SOX6: variants seen among roughly 807,000 people sequenced by gnomAD.
SOX6 encodes transcription factor SOX-6.
SOX6 carries 11 observed loss-of-function variants against 97.8 expected under a neutral mutation model. The ratio of observed to expected loss-of-function variants is 0.11; its 90% CI spans 0.07 to 0.19. SOX6 has a LOEUF of 0.19. Ranked by LOEUF, SOX6 falls within the 10% of genes least tolerant of loss-of-function variation. The pLI, the probability that SOX6 is intolerant of heterozygous loss-of-function variation, is 1.00. For missense variants in SOX6, 810 were observed against 1,039.5 expected (o/e 0.78, Z 3.04); for synonymous variants, 360 against 371.4 (o/e 0.97, Z 0.35).
chr11:16,169,111 A>T (rs996310601), intron 6 of SOX6, among the ~76,000 whole-genome samples: 1 of 152,096 alleles, frequency 6.6e-6, no homozygotes, highest in African/African-American at 2.4e-5. Flanking sequence ...TATTGTAAAC[A>T]CTCTAAAATT....
intron 6 of SOX6, among the ~76,000 whole-genome samples, chr11:16,132,401 A>AGAAAAAAGAAAG (rs34012369): frequency 6.8e-5 from 3 of 43,840 alleles, no homozygotes; most frequent in Non-Finnish European, 8.3e-5. Flanking sequence ...AAAGAAAGAA[A>AGAAAAAAGAAAG]AAAGAAAGAA....
At chr11:16,068,585 T>C (rs1848148445) in intron 9 of SOX6, among the ~76,000 whole-genome samples, 1 of 152,172 alleles carries the variant, frequency 6.6e-6, no homozygotes, top group African/African-American at 2.4e-5. Context: ...ATATTTGAGA[T>C]GAGAGAACGG....
At chr11:16,257,997 AT>A (rs1216473992) in intron 3 of SOX6, among the ~76,000 whole-genome samples, 2 of 57,258 alleles carry the variant, frequency 3.5e-5, no homozygotes, top group Non-Finnish European at 8.3e-5. Context: ...AATTAAAAGA[AT>A]TTAAAAAAAT....
chr11:16,368,337 C>T (rs1481998874), intron 1 of SOX6, among the ~76,000 whole-genome samples: 1 of 152,094 alleles, frequency 6.6e-6, no homozygotes, highest in African/African-American at 2.4e-5. Flanking sequence ...CAAATGTTGG[C>T]TAGGCATGGT....
chr11:16,707,258 T>C (rs1403765343), intron 3 of SOX6, among the ~76,000 whole-genome samples: 2 of 152,194 alleles, frequency 1.3e-5, no homozygotes, highest in African/African-American at 4.8e-5. Context: ...ATATAGTTAG[T>C]TTTAAATGTA....
At chr11:16,260,433 T>C (rs1853851781) in intron 3 of SOX6, among the ~76,000 whole-genome samples, 1 of 152,168 alleles carries the variant, frequency 6.6e-6, no homozygotes, top group Non-Finnish European at 1.5e-5. Context: ...TGAGGTAAAA[T>C]GTTTAACCTA....
intron 12 of SOX6, among the ~76,000 whole-genome samples, chr11:16,019,993 G>C (rs560606119): frequency 6.6e-6 from 1 of 152,176 alleles, no homozygotes; most frequent in Admixed American, 6.5e-5. Flanking sequence ...CTAGCTCTTA[G>C]CTTCAATTTT....
At chr11:16,093,804 C>T (rs539833382) in intron 9 of SOX6, among the ~76,000 whole-genome samples, 1 of 151,848 alleles carries the variant, frequency 6.6e-6, no homozygotes, top group South Asian at 2.1e-4. Flanking sequence ...TAACAATAAA[C>T]CAAGATATTA....
chr11:16,459,978 A>T (rs774188412), intron 1 of SOX6, among the ~76,000 whole-genome samples: 4 of 151,958 alleles, frequency 2.6e-5, no homozygotes, highest in Admixed American at 2.0e-4. Flanking sequence ...AAATAACCTC[A>T]ATCTCAAGAA....
intron 1 of SOX6, among the ~76,000 whole-genome samples, chr11:16,398,064 A>G (rs1170707729): frequency 2.0e-5 from 3 of 151,526 alleles, no homozygotes; most frequent in Non-Finnish European, 3.0e-5. Flanking sequence ...TGCAAATGCA[A>G]TCTATAAACA....
In SOX6 at chr11:16,650,161, G is replaced by A. The variant is rs1442209462; in HGVS notation, n.430-37901C>T. On this transcript the variant is annotated intron_variant and non_coding_transcript_variant, in intron 3 of 5. Transcript: ENST00000524520. ...AATTACTACTAAACCTAAGAAATGA[G>A]ACAGACAGCAACACACTAATAGTGG... Among the ~76,000 whole-genome samples the A allele has an allele frequency of 3.9e-5, 6 of 152,092 alleles. No individual in the cohort carries two copies. In the South Asian group the frequency reaches 1.2e-3, roughly 32 times the overall value.
intron 4 of SOX6, among the ~76,000 whole-genome samples, chr11:16,556,023 G>C (rs1052253214): frequency 1.3e-5 from 2 of 151,412 alleles, no homozygotes; most frequent in Non-Finnish European, 3.0e-5. Flanking sequence ...AATTAAAAAT[G>C]AGGACTTACA....
intron 3 of SOX6, chr11:16,316,570 T>C (rs528413431): frequency 6.6e-6 from 1 of 152,076 alleles, no homozygotes; most frequent in African/African-American, 2.4e-5. Context: ...TAACACATGG[T>C]AACAAAGAGG....
At chr11:16,441,563 A>C (rs1243691489) in intron 1 of SOX6, among the ~76,000 whole-genome samples, 1 of 152,226 alleles carries the variant, frequency 6.6e-6, no homozygotes, top group Non-Finnish European at 1.5e-5. Context: ...TATATTATTT[A>C]CTATTCAGAA....
At chr11:15,987,507 C>A (rs1160296375) in intron 14 of SOX6, among the ~76,000 whole-genome samples, 1 of 152,076 alleles carries the variant, frequency 6.6e-6, no homozygotes, top group African/African-American at 2.4e-5. Flanking sequence ...AATATACTTA[C>A]TATATTCCTA....
At chr11:16,572,383 T>C (rs759510281) in intron 4 of SOX6, among the ~76,000 whole-genome samples, 4 of 152,212 alleles carry the variant, frequency 2.6e-5, no homozygotes, top group Admixed American at 6.5e-5. Flanking sequence ...CTGATTGCAC[T>C]TCAAAAAAAC....
In SOX6 at chr11:16,605,184, G is replaced by A. The variant is rs1471998392; in HGVS notation, n.609+6897C>T. Among the ~76,000 whole-genome samples, 1 of 151,944 alleles carries A rather than the reference G, an allele frequency of 6.6e-6. No homozygotes were observed. The highest frequency in any genetic ancestry group is 2.4e-5 in the African/African-American group (1 of 41,420). On this transcript the variant is annotated intron_variant and non_coding_transcript_variant, in intron 4 of 5. Transcript: ENST00000524520. The surrounding 1 kb of genome is among the most constrained non-coding windows in gnomAD (Gnocchi z 5.3). ...CTGCAGAGGAACGGCGGGTGGCGGG[G>A]CCCCGGCAGGGCGCCGAGAAGGACG...
At chr11:16,051,906 G>T (rs1847696014) in intron 10 of SOX6, among the ~76,000 whole-genome samples, 1 of 148,132 alleles carries the variant, frequency 6.8e-6, no homozygotes. Flanking sequence ...CTTTCATTTT[G>T]GATAGTTTTA....
intron 9 of SOX6, among the ~76,000 whole-genome samples, chr11:16,064,356 GA>G (rs1848039188): frequency 6.6e-6 from 1 of 151,506 alleles, no homozygotes; most frequent in Admixed American, 6.6e-5. Flanking sequence ...ATTCTTTTAG[GA>G]ATAGATTCTT....
Sources: allele counts gnomAD v4.1 joint callset (sites outside exome capture counted in the v4.1 genomes callset), GRCh38; gene constraint gnomAD v4.1.1; non-coding constraint Gnocchi (gnomAD v3.1); transcripts MANE v1.5; gene names NCBI Gene and HGNC (gene_info 2026-07-23, HGNC 2026-07-21).